PRR16: variants seen among roughly 807,000 people sequenced by gnomAD.
The protein encoded by PRR16 is proline rich 16.
Under a neutral mutation model 18.2 loss-of-function variants are expected in PRR16, and 6 were observed. The observed-to-expected ratio is 0.33, with a 90% CI of 0.18 to 0.65. The LOEUF is 0.65. Ranked by LOEUF, PRR16 falls within the 30% of genes least tolerant of loss-of-function variation. The pLI is 0.74. For missense variants in PRR16, 412 were observed against 376.6 expected (o/e 1.09, Z -0.78); for synonymous variants, 151 against 147.8 (o/e 1.02, Z -0.16).
chr5:120,649,123 C>G lies in PRR16; in HGVS notation c.160-36831C>G, dbSNP rs534677466. Among the ~76,000 whole-genome samples, 3 of 152,162 alleles carry G rather than the reference C, an allele frequency of 2.0e-5. No homozygotes were observed. In the East Asian group the frequency reaches 5.8e-4, roughly 29 times the overall value. Reference sequence around the variant, plus strand: ...GCAAGTCAGTGCACGCTGGCTCGAGCACACCACTGGGGTGGATTGGAAGAA... The same window carrying G: ...GCAAGTCAGTGCACGCTGGCTCGAGGACACCACTGGGGTGGATTGGAAGAA... On this transcript the variant is annotated intron_variant, in intron 1 of 1. Transcript: ENST00000407149.
the PRR16 span, among the ~76,000 whole-genome samples, chr5:120,705,439 C>T: frequency 6.6e-6 from 1 of 151,854 alleles, no homozygotes; most frequent in African/African-American, 2.4e-5. Context: ...TTTATCTGTT[C>T]ATCTTTTAAA....
rs181634815 is a variant in PRR16 at position 120,508,622 on chromosome 5, C to G, written c.159+43977C>G. On this transcript the variant is annotated intron_variant, in intron 1 of 1. Transcript: ENST00000407149. Reference sequence around the variant, plus strand: ...TCATTAGATTTCCGTATTTGTAGGGCTCAATCTTCTCCAGTATATCCAGAA... The same window carrying G: ...TCATTAGATTTCCGTATTTGTAGGGGTCAATCTTCTCCAGTATATCCAGAA... 2.0e-5 allele frequency among the ~76,000 whole-genome samples: 3 copies of G among 152,074 alleles called. No individual in the cohort carries two copies. The East Asian group carries it at 5.8e-4, about 29-fold the overall frequency.
chr5:120,492,333 C>G (rs541965242), intron 1 of PRR16, among the ~76,000 whole-genome samples: 1 of 150,498 alleles, frequency 6.6e-6, no homozygotes, highest in Admixed American at 6.6e-5. Context: ...TTTTTCTAGG[C>G]TGGTCTCTAA....
At chr5:120,522,152 A>G (rs942410735) in intron 1 of PRR16, among the ~76,000 whole-genome samples, 1 of 152,208 alleles carries the variant, frequency 6.6e-6, no homozygotes, top group African/African-American at 2.4e-5. Flanking sequence ...GTGTCTTTAT[A>G]GCAGCATGAT....
At chr5:120,609,971 A>G (rs988668591) in intron 1 of PRR16, among the ~76,000 whole-genome samples, 1 of 152,158 alleles carries the variant, frequency 6.6e-6, no homozygotes, top group African/African-American at 2.4e-5. Flanking sequence ...CTCTGCCTAC[A>G]TTTCATAAAT....
chr5:120,642,308 C>G (rs1755448520), intron 1 of PRR16, among the ~76,000 whole-genome samples: 1 of 151,638 alleles, frequency 6.6e-6, no homozygotes, highest in Non-Finnish European at 1.5e-5. Context: ...TTATAGTGGG[C>G]AGAAACCTCA....
intron 1 of PRR16, among the ~76,000 whole-genome samples, chr5:120,466,032 C>T (rs1749068601): frequency 6.6e-6 from 1 of 152,072 alleles, no homozygotes; most frequent in Non-Finnish European, 1.5e-5. Flanking sequence ...GTTAAGTTTG[C>T]CAGTGGTAAA....
intron 1 of PRR16, among the ~76,000 whole-genome samples, chr5:120,668,769 G>A (rs1380635270): frequency 6.6e-6 from 1 of 152,148 alleles, no homozygotes; most frequent in Non-Finnish European, 1.5e-5. Context: ...CTTTAAGAAT[G>A]TTGAATATTG....
the PRR16 span, among the ~76,000 whole-genome samples, chr5:120,742,280 G>T: frequency 2.1e-5 from 3 of 140,518 alleles, no homozygotes; most frequent in Admixed American, 7.0e-5. Flanking sequence ...TTACTTGTGG[G>T]TTTTTTTTTT....
At chr5:120,533,671 T>A (rs1400636198) in intron 1 of PRR16, among the ~76,000 whole-genome samples, 1 of 152,112 alleles carries the variant, frequency 6.6e-6, no homozygotes, top group African/African-American at 2.4e-5. Context: ...AGGAAGCTTG[T>A]GTGGCTGGAA....
At chr5:120,721,396 G>C in the PRR16 span, among the ~76,000 whole-genome samples, 7 of 151,982 alleles carry the variant, frequency 4.6e-5, no homozygotes, top group African/African-American at 1.7e-4. Flanking sequence ...TTAGGAAGAA[G>C]GGGCATATAA....
chr5:120,774,683 C>G, the PRR16 span, among the ~76,000 whole-genome samples: 2 of 151,060 alleles, frequency 1.3e-5, no homozygotes, highest in African/African-American at 4.9e-5. Flanking sequence ...AAAGATACCT[C>G]TAAATCTATA....
chr5:120,647,624 C>A (rs1406052352), intron 1 of PRR16, among the ~76,000 whole-genome samples: 1 of 151,988 alleles, frequency 6.6e-6, no homozygotes, highest in Non-Finnish European at 1.5e-5. Context: ...TTTACTAATT[C>A]TAATCTCTGA....
At chr5:120,487,366 C>T (rs1180125164) in intron 1 of PRR16, among the ~76,000 whole-genome samples, 5 of 152,054 alleles carry the variant, frequency 3.3e-5, no homozygotes, top group African/African-American at 1.2e-4. Flanking sequence ...CCTTCACATC[C>T]CTTGTAAGTT....
intron 1 of PRR16, among the ~76,000 whole-genome samples, chr5:120,512,812 G>C (rs191017485): frequency 1.1e-3 from 168 of 152,082 alleles, no homozygotes; most frequent in Middle Eastern, 3.4e-3. Context: ...TACTGGGGAG[G>C]GAAAGCAAGT....
chr5:120,717,443 G>A, the PRR16 span, among the ~76,000 whole-genome samples: 1 of 152,116 alleles, frequency 6.6e-6, no homozygotes. Flanking sequence ...TGAATAACCT[G>A]ATGAAAATGA....
intron 1 of PRR16, among the ~76,000 whole-genome samples, chr5:120,541,090 G>T (rs1467043930): frequency 6.6e-6 from 1 of 152,060 alleles, no homozygotes; most frequent in African/African-American, 2.4e-5. Flanking sequence ...CAGGACAGAG[G>T]TAATACAGAC....
At chr5:120,633,018 T>C (rs1470007996) in intron 1 of PRR16, among the ~76,000 whole-genome samples, 1 of 152,062 alleles carries the variant, frequency 6.6e-6, no homozygotes, top group Non-Finnish European at 1.5e-5. Flanking sequence ...ACCTATCAGA[T>C]TTACAGCAGA....
chr5:120,609,976 A>G (rs1754283180), intron 1 of PRR16, among the ~76,000 whole-genome samples: 1 of 152,158 alleles, frequency 6.6e-6, no homozygotes, highest in Admixed American at 6.6e-5. Context: ...CCTACATTTC[A>G]TAAATAAGGA....
Sources: gnomAD v4.1 joint callset for allele counts (sites outside exome capture counted in the v4.1 genomes callset) on GRCh38, gnomAD v4.1.1 for gene constraint, MANE v1.5 for transcripts, NCBI Gene and HGNC (gene_info 2026-07-23, HGNC 2026-07-21) for gene names.